Variants in RBFOX1 observed in about 807,000 individuals in gnomAD.
The protein encoded by RBFOX1 is RNA binding protein fox-1 homolog 1.
A neutral mutation model predicts 57.7 loss-of-function variants in RBFOX1; 8 were observed. The observed-to-expected ratio is 0.14, with a 90% CI of 0.08 to 0.25. The LOEUF is 0.25. RBFOX1 is among the 10% of genes least tolerant of loss of function. The pLI, the probability that RBFOX1 is intolerant of heterozygous loss-of-function variation, is 1.00. For synonymous variants in RBFOX1, 326 were observed against 222.4 expected (o/e 1.47, Z -4.15); for missense variants, 611 against 548.5 (o/e 1.11, Z -1.14).
At chr16:5,551,228 C>T (rs1382647568) in intron 2 of RBFOX1, among the ~76,000 whole-genome samples, 1 of 152,190 alleles carries the variant, frequency 6.6e-6, no homozygotes, top group African/African-American at 2.4e-5. Context: ...ACTTTCCTTC[C>T]CCATCCTCCC....
In RBFOX1 at chr16:6,786,759, T is replaced by G. The variant is rs1325452815; in HGVS notation, c.-16+132109T>G. On this transcript the variant is annotated intron_variant, in intron 3 of 15. Coordinates refer to ENST00000550418, the MANE Select transcript of RBFOX1 (RefSeq NM_018723.4). ...CCTTAAACAGTTGGAAATGAGATAC[T>G]TAAAGAAACTCCACCCAATGGAAGT... is the stretch of plus-strand genomic sequence containing the variant. 2.6e-5 allele frequency among the ~76,000 whole-genome samples: 4 copies of G among 152,114 alleles called. No individual in the cohort carries two copies. In the South Asian group the frequency reaches 6.2e-4, roughly 24 times the overall value.
chr16:5,501,141 C>A (rs1345060342), intron 2 of RBFOX1, among the ~76,000 whole-genome samples: 2 of 151,726 alleles, frequency 1.3e-5, no homozygotes, highest in Non-Finnish European at 2.9e-5. Flanking sequence ...CATGGTGAAA[C>A]CCCATCTCTA....
At chr16:5,813,551 A>G (rs1012272995) in intron 3 of RBFOX1, among the ~76,000 whole-genome samples, 4 of 152,264 alleles carry the variant, frequency 2.6e-5, no homozygotes, top group African/African-American at 9.6e-5. Flanking sequence ...GCAAGAAGCC[A>G]GGCATAAAAG....
chr16:6,972,249 C>G lies in RBFOX1; in HGVS notation c.-15-79808C>G, dbSNP rs539665071. 7.6e-4 allele frequency among the ~76,000 whole-genome samples: 116 copies of G among 152,184 alleles called. 1 individual carries two copies. Among genetic ancestry groups the G allele is most frequent in the Middle Eastern group, 3.4e-3 (1 of 294 alleles). On this transcript the variant is annotated intron_variant, in intron 3 of 15. Coordinates refer to ENST00000550418, the MANE Select transcript of RBFOX1 (RefSeq NM_018723.4). ...TGTATCTATTAACTCTGTAACTCCC[C>G]TTTCTCCCTCTCCCCAGCCCCTGGT... is the stretch of plus-strand genomic sequence containing the variant.
chr16:6,094,835 G>A lies in RBFOX1; in HGVS notation c.-127+74843G>A, dbSNP rs190027989. ...TCCCAACACCTTGGGAGGCTGAGGC[G>A]GATCACCTGAGGTCATAAGTTTGAG... is the stretch of plus-strand genomic sequence containing the variant. On this transcript the variant is annotated intron_variant, in intron 1 of 15. Transcript: ENST00000550418. Among the ~76,000 whole-genome samples, 547 of 152,264 alleles carry A rather than the reference G, an allele frequency of 3.6e-3. 2 individuals are homozygous for A. Among genetic ancestry groups the A allele is most frequent in the Non-Finnish European group, 4.4e-3 (301 of 68,014 alleles).
At chr16:7,182,704 A>G (rs150200317) in intron 4 of RBFOX1, among the ~76,000 whole-genome samples, 1 of 151,742 alleles carries the variant, frequency 6.6e-6, no homozygotes, top group East Asian at 2.0e-4. Flanking sequence ...CAGGAAAGGG[A>G]TCAGCACCCT....
intron 4 of RBFOX1, among the ~76,000 whole-genome samples, chr16:7,094,792 TGA>T (rs5815368): frequency 3.1e-4 from 37 of 121,146 alleles, no homozygotes; most frequent in East Asian, 1.5e-3. Flanking sequence ...GTGTGTGTGT[TGA>T]GAGAGAGAGA....
At chr16:6,489,168 CCTTGGTACT>C (rs774014130) in intron 2 of RBFOX1, among the ~76,000 whole-genome samples, 8 of 152,158 alleles carry the variant, frequency 5.3e-5, no homozygotes, top group Admixed American at 1.3e-4. Flanking sequence ...AAATTTCTTT[CCTTGGTACT>C]CTTGTCACTA....
At chr16:5,858,140 T>C (rs954396157) in intron 3 of RBFOX1, among the ~76,000 whole-genome samples, 5 of 152,010 alleles carry the variant, frequency 3.3e-5, no homozygotes, top group Admixed American at 6.6e-5. Context: ...CTTAGGAGCT[T>C]TTCCTAACCT....
intron 3 of RBFOX1, among the ~76,000 whole-genome samples, chr16:7,011,341 T>G (rs1335476619): frequency 6.6e-6 from 1 of 152,174 alleles, no homozygotes; most frequent in Non-Finnish European, 1.5e-5. Context: ...CCAGAAAGCT[T>G]AAGCAATTTG....
chr16:6,267,851 C>A (rs559833674), intron 1 of RBFOX1, among the ~76,000 whole-genome samples: 1 of 152,248 alleles, frequency 6.6e-6, no homozygotes, highest in Non-Finnish European at 1.5e-5. Flanking sequence ...TCTTAGCCTG[C>A]AAAGAACAGT....
At chr16:5,757,397 A>C (rs1463992731) in intron 3 of RBFOX1, among the ~76,000 whole-genome samples, 1 of 151,674 alleles carries the variant, frequency 6.6e-6, no homozygotes, top group Non-Finnish European at 1.5e-5. Context: ...ACACCCAGCT[A>C]ATTTTTGTAT....
In RBFOX1 at chr16:5,364,925, G is replaced by T. The variant is rs547100186; in HGVS notation, c.220-102291G>T. 1.4e-3 allele frequency among the ~76,000 whole-genome samples: 213 copies of T among 152,254 alleles called. 1 individual carries two copies. The highest frequency in any genetic ancestry group is 4.9e-3 in the African/African-American group (205 of 41,544). ...CCATGATGTCACGCTGGACAGTAGG[G>T]TCGCCTAAGAAGCTTAAAGGATGCT... On this transcript the variant is annotated intron_variant, in intron 1 of 2. Coordinates refer to the RBFOX1 transcript ENST00000585867.
intron 1 of RBFOX1, among the ~76,000 whole-genome samples, chr16:6,266,619 C>T (rs1052414667): frequency 6.6e-6 from 1 of 151,766 alleles, no homozygotes; most frequent in Non-Finnish European, 1.5e-5. Context: ...GGGGCTGAGG[C>T]AGGAGAGTCC....
intron 3 of RBFOX1, among the ~76,000 whole-genome samples, chr16:5,661,044 C>T (rs181812077): frequency 1.3e-5 from 2 of 152,260 alleles, no homozygotes; most frequent in Admixed American, 1.3e-4. Flanking sequence ...AATTCAATGG[C>T]ATACTCATTC....
At chr16:6,020,616 T>G (rs1034402392) in intron 1 of RBFOX1, among the ~76,000 whole-genome samples, 1 of 152,078 alleles carries the variant, frequency 6.6e-6, no homozygotes, top group African/African-American at 2.4e-5. Flanking sequence ...GTGCCCCTGG[T>G]TCCTGGGAGC....
intron 2 of RBFOX1, among the ~76,000 whole-genome samples, chr16:6,317,746 A>G (rs908573907): frequency 6.6e-6 from 1 of 152,142 alleles, no homozygotes; most frequent in Non-Finnish European, 1.5e-5. Context: ...TTGGGGTAGC[A>G]CCTTCACAAA....
intron 4 of RBFOX1, among the ~76,000 whole-genome samples, chr16:7,186,403 CATAA>C (rs1367186268): frequency 1.0e-4 from 8 of 79,376 alleles, no homozygotes; most frequent in Admixed American, 1.6e-4. Flanking sequence ...TAAATATAAA[CATAA>C]ACATATTTAT....
intron 3 of RBFOX1, among the ~76,000 whole-genome samples, chr16:6,844,747 T>C (rs1267322234): frequency 6.6e-6 from 1 of 152,192 alleles, no homozygotes; most frequent in Non-Finnish European, 1.5e-5. Context: ...ATCTAGGTCT[T>C]TGAGGAATTG....
Sources: gnomAD v4.1 joint callset for allele counts (sites outside exome capture counted in the v4.1 genomes callset) on GRCh38, gnomAD v4.1.1 for gene constraint, MANE v1.5 for transcripts, NCBI Gene and HGNC (gene_info 2026-07-23, HGNC 2026-07-21) for gene names.